The following STAB2 variants were observed in gnomAD, a reference collection of about 807,000 sequenced individuals.
STAB2 encodes stabilin-2.
In STAB2, 288 loss-of-function variants were observed where a neutral mutation model predicts 338.1. The observed-to-expected ratio is 0.85, with a 90% confidence interval of 0.77 to 0.94. The LOEUF is 0.94. Among genes scored for constraint, STAB2 ranks in the 40% least tolerant of loss-of-function variants. The probability of loss-of-function intolerance (pLI) is 0.00; values close to 1 mark genes in which losing one functional copy is unlikely to be tolerated. For synonymous variants in STAB2, 1,202 were observed against 1,193.3 expected (o/e 1.01, Z -0.15); for missense variants, 3,141 against 3,210.1 (o/e 0.98, Z 0.52).
At position 103,695,549 on chromosome 12, in the gene STAB2, G is replaced by T. The variant is rs749139756; in HGVS notation, c.3376-1G>T. On this transcript the variant is annotated splice_acceptor_variant, in intron 31 of 68. Transcript: ENST00000388887. LOFTEE classifies it high-confidence loss of function. ...CAGGATTCTGGGGTTTCTTTTTTCA[G>T]GTGCTGGTCCCACAAAGACGTCTAA... 38 of 1,613,658 alleles carry T rather than the reference G, an allele frequency of 2.4e-5. No homozygotes were observed. The highest frequency in any genetic ancestry group is 3.1e-5 in the Non-Finnish European group (37 of 1,179,916).
intron 63 of STAB2, among the ~76,000 whole-genome samples, chr12:103,756,894 C>G (rs1176724991): frequency 6.6e-6 from 1 of 151,558 alleles, no homozygotes; most frequent in East Asian, 1.9e-4. Flanking sequence ...TGTGTGGGAG[C>G]CTGGCTTACA....
chr12:103,587,444 T>G lies in STAB2; in HGVS notation c.-33T>G. On this transcript the variant is annotated 5_prime_UTR_variant, in exon 1 of 69. Transcript: ENST00000388887. Reference sequence around the variant, plus strand: ...AAAATAGCTAAGTCAGCCTGACAGGTGCTTGGCACAGAGAAGGAGCAAATA... The same window carrying G: ...AAAATAGCTAAGTCAGCCTGACAGGGGCTTGGCACAGAGAAGGAGCAAATA... The G allele has an allele frequency of 6.3e-7, 1 of 1,576,858 alleles. No individual in the cohort carries two copies. The highest frequency in any genetic ancestry group is 8.7e-7 in the Non-Finnish European group (1 of 1,148,842).
intron 63 of STAB2, among the ~76,000 whole-genome samples, chr12:103,756,993 G>GAAAAAAAAA (rs146893760): frequency 1.3e-4 from 2 of 15,270 alleles, no homozygotes; most frequent in African/African-American, 4.0e-4. Context: ...CAGAAGGAGG[G>GAAAAAAAAA]AAAATATATA....
intron 3 of STAB2, among the ~76,000 whole-genome samples, chr12:103,609,731 A>G (rs1957091497): frequency 1.3e-5 from 2 of 152,112 alleles, no homozygotes; most frequent in African/African-American, 4.8e-5. Context: ...TATGTTGAAT[A>G]GGAGTGGTGA....
At chr12:103,650,643 C>A in intron 11 of STAB2, 65 bp downstream of exon 11, 2 of 1,328,654 alleles carry the variant, frequency 1.5e-6, no homozygotes, top group East Asian at 2.3e-5. Flanking sequence ...GGAGTACCTT[C>A]TTTTATTTAA....
At chr12:103,596,757 T>C (rs1956881077) in intron 3 of STAB2, among the ~76,000 whole-genome samples, 1 of 152,010 alleles carries the variant, frequency 6.6e-6, no homozygotes, top group Non-Finnish European at 1.5e-5. Flanking sequence ...CACTGTGCTA[T>C]GTGCAGACCA....
At chr12:103,599,872 C>G (rs1956929309) in intron 3 of STAB2, among the ~76,000 whole-genome samples, 1 of 152,148 alleles carries the variant, frequency 6.6e-6, no homozygotes. Flanking sequence ...CAGTGGGCCT[C>G]TTTATTTCAG....
At chr12:103,659,801 G>C (rs1164284242) in intron 15 of STAB2, among the ~76,000 whole-genome samples, 1 of 152,184 alleles carries the variant, frequency 6.6e-6, no homozygotes, top group Admixed American at 6.5e-5. Context: ...AACTTCTCAT[G>C]GAAGGAAGAG....
intron 44 of STAB2, among the ~76,000 whole-genome samples, chr12:103,721,683 G>A (rs1213518328): frequency 6.6e-6 from 1 of 152,126 alleles, no homozygotes; most frequent in Admixed American, 6.5e-5. Context: ...TATAGCAGTG[G>A]GTGTAATAAG....
At chr12:103,640,358 C>A in intron 9 of STAB2, 102 bp downstream of exon 9, 9 of 1,462,024 alleles carry the variant, frequency 6.2e-6, no homozygotes, top group Non-Finnish European at 8.4e-6. Context: ...TCTTATTCAG[C>A]CTTGCATCCA....
In STAB2 at chr12:103,755,279, T is replaced by C. The variant is rs758543525; in HGVS notation, c.6715-23T>C. ...AACACATGAACTTGCAGCTGACCCA[T>C]GGCCCTGTCTGTATCCCTGCAGGCC... On this transcript the variant is annotated intron_variant, in intron 61 of 68. Coordinates refer to ENST00000388887, the MANE Select transcript of STAB2 (RefSeq NM_017564.10). 7 of 1,611,298 alleles carry C rather than the reference T, an allele frequency of 4.3e-6. No homozygotes were observed. In the East Asian group the frequency reaches 1.6e-4, roughly 36 times the overall value.
intron 34 of STAB2, among the ~76,000 whole-genome samples, chr12:103,699,562 A>G (rs1160899284): frequency 6.6e-6 from 1 of 151,920 alleles, no homozygotes; most frequent in Non-Finnish European, 1.5e-5. Context: ...TCACGAGAAC[A>G]GCATGAGAAA....
rs1373597791 is a variant in STAB2, at chr12:103,730,276, T to C, written c.5223+20T>C. ...ATTCTGGTAGGTAAACTCTCTGTTA[T>C]GTTTTCAGCCTGGAGTGACTCAATA... On this transcript the variant is annotated intron_variant, in intron 49 of 68. Transcript: ENST00000388887. The C allele has an allele frequency of 3.7e-6, 6 of 1,613,046 alleles. No homozygotes were observed. Among genetic ancestry groups the C allele is most frequent in the African/African-American group, 2.7e-5 (2 of 74,898 alleles).
intron 2 of STAB2, among the ~76,000 whole-genome samples, chr12:103,593,388 A>C (rs1956828844): frequency 6.6e-6 from 1 of 152,112 alleles, no homozygotes. Flanking sequence ...GACGTATCCC[A>C]TTGTGGTTTT....
chr12:103,688,085 A>G, intron 27 of STAB2, 83 bp from the exon 28 acceptor site: 1 of 1,360,702 alleles, frequency 7.3e-7, no homozygotes, highest in Non-Finnish European at 1.1e-6. Flanking sequence ...TGACCCAGAG[A>G]TGCACTGTGA....
chr12:103,648,319 T>G (rs1415872441), intron 9 of STAB2, among the ~76,000 whole-genome samples: 2 of 152,200 alleles, frequency 1.3e-5, no homozygotes, highest in Non-Finnish European at 2.9e-5. Context: ...GCAGGCTGAA[T>G]TCAGTAGCTT....
intron 26 of STAB2, 47 bp downstream of exon 26, chr12:103,683,347 A>AAG: frequency 1.4e-6 from 2 of 1,429,872 alleles, no homozygotes; most frequent in Non-Finnish European, 1.9e-6. Context: ...AAAAAAAAAA[A>AAG]CAATGCTTGA....
chr12:103,715,374 A>G (rs1880225456), intron 42 of STAB2, among the ~76,000 whole-genome samples: 1 of 152,086 alleles, frequency 6.6e-6, no homozygotes, highest in Admixed American at 6.6e-5. Flanking sequence ...CCAAGCAGAT[A>G]TGTTGTTCCC....
chr12:103,727,247 C>A lies in STAB2; in HGVS notation c.4852-20C>A. The A allele has an allele frequency of 6.2e-7, 1 of 1,613,752 alleles. No homozygotes were observed. The highest frequency in any genetic ancestry group is 1.1e-5 in the South Asian group (1 of 91,084). On this transcript the variant is annotated intron_variant, in intron 46 of 68. Transcript: ENST00000388887. ...TGATGTTAAGTGAGTGATGTGTGAG[C>A]CTCACCTTTCTTCCCACAGGAGCAT...
Sources: gnomAD v4.1 joint callset for allele counts (sites outside exome capture counted in the v4.1 genomes callset) on GRCh38, gnomAD v4.1.1 for gene constraint, MANE v1.5 for transcripts, NCBI Gene and HGNC (gene_info 2026-07-23, HGNC 2026-07-21) for gene names.